Variants in CALN1 observed in about 807,000 individuals in gnomAD.
CALN1 encodes calcium-binding protein 8.
In CALN1, 17 loss-of-function variants were observed where a neutral mutation model predicts 30.6. The ratio of observed to expected loss-of-function variants is 0.56; its 90% CI spans 0.38 to 0.83. The LOEUF (loss-of-function observed/expected upper bound fraction) is 0.83, where lower values mean the gene tolerates loss of function less well. Among genes scored for constraint, CALN1 ranks in the 40% least tolerant of loss-of-function variants. CALN1 has a pLI of 0.00. For missense variants in CALN1, 291 were observed against 354.9 expected (o/e 0.82, Z 1.45); for synonymous variants, 156 against 131.4 (o/e 1.19, Z -1.28).
intron 2 of CALN1, among the ~76,000 whole-genome samples, chr7:72,388,981 T>C (rs1161508180): frequency 6.6e-6 from 1 of 152,178 alleles, no homozygotes; most frequent in Non-Finnish European, 1.5e-5. Context: ...TCTCTAGACC[T>C]GGACCAGCAG....
At chr7:72,023,831 T>A (rs1428525117) in intron 4 of CALN1, 62 bp from the exon 5 acceptor site, 13 of 1,150,860 alleles carry the variant, frequency 1.1e-5, no homozygotes, top group East Asian at 2.3e-5. Flanking sequence ...CCGTACCTGA[T>A]GCAATAAACA....
chr7:71,976,965 C>G (rs760196127), intron 5 of CALN1, among the ~76,000 whole-genome samples: 1 of 152,126 alleles, frequency 6.6e-6, no homozygotes, highest in Non-Finnish European at 1.5e-5. Flanking sequence ...TTCTTTCCAC[C>G]AATCACCTAA....
chr7:72,186,984 C>T (rs1364831012), intron 3 of CALN1, among the ~76,000 whole-genome samples: 2 of 149,722 alleles, frequency 1.3e-5, no homozygotes, highest in Non-Finnish European at 3.0e-5. Flanking sequence ...TTATGAGTCC[C>T]CAGAAAGGGA....
intron 3 of CALN1, among the ~76,000 whole-genome samples, chr7:72,167,734 C>T (rs1363842189): frequency 6.6e-6 from 1 of 152,198 alleles, no homozygotes; most frequent in African/African-American, 2.4e-5. Flanking sequence ...CCCTTAAAGA[C>T]AGACGTTGGA....
In CALN1 at chr7:72,216,419, A is replaced by G. The variant is rs1030945082; in HGVS notation, c.244+62267T>C. On this transcript the variant is annotated intron_variant, in intron 3 of 6. Transcript: ENST00000395275. ...GACACAAGACCCTATGTCTTTAAAA[A>G]AAAACATTAAAGATAAATAAATACA... 7.9e-5 allele frequency among the ~76,000 whole-genome samples: 12 copies of G among 152,140 alleles called. 1 individual carries two copies. Among genetic ancestry groups the G allele is most frequent in the Admixed American group, 5.2e-4 (8 of 15,260 alleles).
intron 3 of CALN1, among the ~76,000 whole-genome samples, chr7:72,234,715 G>A (rs1177462419): frequency 6.6e-6 from 1 of 151,974 alleles, no homozygotes; most frequent in African/African-American, 2.4e-5. Flanking sequence ...TAAAGTGGTG[G>A]GACTACAGGC....
intron 2 of CALN1, among the ~76,000 whole-genome samples, chr7:72,374,030 G>A (rs12699135): frequency 0.093 from 14,113 of 152,174 alleles, 1,122 homozygotes; most frequent in East Asian, 0.36. Flanking sequence ...TATCCTTCAG[G>A]AATGAAGGTG....
At chr7:71,958,131 T>C (rs1797062961) in intron 5 of CALN1, among the ~76,000 whole-genome samples, 1 of 150,880 alleles carries the variant, frequency 6.6e-6, no homozygotes, top group Non-Finnish European at 1.5e-5. Flanking sequence ...AGTGCAGTAA[T>C]TACCAATCTC....
chr7:72,240,548 G>T (rs1562783503), intron 3 of CALN1, among the ~76,000 whole-genome samples: 2 of 152,122 alleles, frequency 1.3e-5, no homozygotes, highest in Admixed American at 6.5e-5. Context: ...AGATCAACTT[G>T]TTACTGCATG....
rs1425963227 is a variant in CALN1, at chr7:72,441,320, A to C, written c.-226+5722T>G. On this transcript the variant is annotated intron_variant, in intron 1 of 6. Transcript: ENST00000395276. ...GTTAAAAATTGGGAGAATGAGGGCC[A>C]GGCACGGTGACTCATGCCTGTAATC... is the stretch of plus-strand genomic sequence containing the variant. Among the ~76,000 whole-genome samples the C allele has an allele frequency of 3.3e-5, 5 of 152,100 alleles. No individual in the cohort carries two copies. The East Asian group carries it at 9.7e-4, about 30-fold the overall frequency.
intron 4 of CALN1, among the ~76,000 whole-genome samples, chr7:72,052,943 G>A (rs1344525513): frequency 1.3e-5 from 2 of 151,980 alleles, no homozygotes; most frequent in Non-Finnish European, 2.9e-5. Flanking sequence ...ACTTTGAGAG[G>A]CCAAGGCCAG....
chr7:71,918,910 T>C (rs372524781), intron 5 of CALN1, among the ~76,000 whole-genome samples: 8 of 152,236 alleles, frequency 5.3e-5, no homozygotes, highest in Non-Finnish European at 7.3e-5. Flanking sequence ...GGTTGCATTA[T>C]ATAACATGCT....
At chr7:72,364,174 C>T (rs946213897) in intron 2 of CALN1, among the ~76,000 whole-genome samples, 1 of 152,068 alleles carries the variant, frequency 6.6e-6, no homozygotes, top group Non-Finnish European at 1.5e-5. Context: ...TACCTCATTA[C>T]CAGATAAGAA....
intron 4 of CALN1, among the ~76,000 whole-genome samples, chr7:72,025,446 T>G (rs1800994599): frequency 6.6e-6 from 1 of 152,252 alleles, no homozygotes; most frequent in Admixed American, 6.5e-5. Context: ...CTTTGTATAT[T>G]GAACACCAAA....
intron 5 of CALN1, among the ~76,000 whole-genome samples, chr7:71,895,476 C>T (rs974210451): frequency 1.3e-5 from 2 of 152,108 alleles, no homozygotes; most frequent in Admixed American, 1.3e-4. Flanking sequence ...CTCATTCATT[C>T]GACAAGAGTG....
At chr7:72,259,767 A>C (rs368641753) in intron 3 of CALN1, among the ~76,000 whole-genome samples, 3 of 152,236 alleles carry the variant, frequency 2.0e-5, no homozygotes, top group East Asian at 3.9e-4. Context: ...TCCCCAACTC[A>C]TTGCTCCTTC....
chr7:72,232,316 T>C (rs1043961302), intron 3 of CALN1, among the ~76,000 whole-genome samples: 1 of 152,148 alleles, frequency 6.6e-6, no homozygotes, highest in Non-Finnish European at 1.5e-5. Context: ...AGAAGACAAC[T>C]AATTGAACAA....
chr7:71,964,253 G>A (rs1042792060), intron 5 of CALN1, among the ~76,000 whole-genome samples: 3 of 152,170 alleles, frequency 2.0e-5, no homozygotes, highest in African/African-American at 7.2e-5. Context: ...AAGGAAGCAT[G>A]CAGACAGGCA....
intron 4 of CALN1, among the ~76,000 whole-genome samples, chr7:72,083,548 C>A (rs980770754): frequency 6.6e-6 from 1 of 151,904 alleles, no homozygotes; most frequent in Non-Finnish European, 1.5e-5. Flanking sequence ...CATGCCACTG[C>A]ACTTCAGCCT....
Sources: gnomAD v4.1 joint callset for allele counts (sites outside exome capture counted in the v4.1 genomes callset) on GRCh38, gnomAD v4.1.1 for gene constraint, MANE v1.5 for transcripts, NCBI Gene and HGNC (gene_info 2026-07-23, HGNC 2026-07-21) for gene names.